The following EPS15 variants were observed in gnomAD, a reference collection of about 807,000 sequenced individuals.
The protein encoded by EPS15 is epidermal growth factor receptor substrate 15.
In EPS15, 72 loss-of-function variants were observed where a neutral mutation model predicts 113.8. The observed-to-expected ratio is 0.63, with a 90% CI of 0.52 to 0.77. The LOEUF is 0.77. Among genes scored for constraint, EPS15 ranks in the 30% least tolerant of loss-of-function variants. The pLI, the probability that EPS15 is intolerant of heterozygous loss-of-function variation, is 0.00. For synonymous variants in EPS15, 344 were observed against 363.4 expected, an observed-to-expected ratio of 0.95 and a Z score of 0.61; for missense variants, 1,048 against 1,045.8, an observed-to-expected ratio of 1.00 and a Z score of -0.03.
At chr1:51,404,065 G>C (rs1319236759) in intron 16 of EPS15, among the ~76,000 whole-genome samples, 2 of 152,208 alleles carry the variant, frequency 1.3e-5, no homozygotes, top group Non-Finnish European at 2.9e-5. Flanking sequence ...AGTAGGGGCA[G>C]GCCGGATGCA....
At chr1:51,400,229 G>A (rs1188561985) in intron 19 of EPS15, among the ~76,000 whole-genome samples, 1 of 152,114 alleles carries the variant, frequency 6.6e-6, no homozygotes, top group Admixed American at 6.5e-5. Context: ...AATTCTTCAA[G>A]ATTCTCTGCC....
rs375513557 is a variant in EPS15 at position 51,472,993 on chromosome 1, C to A, written c.76-45G>T. 105 of 1,419,282 alleles carry A rather than the reference C, an allele frequency of 7.4e-5. No homozygotes were observed. The African/African-American group carries it at 1.4e-3, about 18-fold the overall frequency. 87.9% of individuals were successfully genotyped at this position (1,419,282 alleles called of 1,614,324 possible). On this transcript the variant is annotated intron_variant, in intron 2 of 24. Coordinates refer to ENST00000371733, the MANE Select transcript of EPS15 (RefSeq NM_001981.3). The stretch of plus-strand genomic sequence containing the variant: ...TAAGTTGACAACAAAATACAAAAGG[C>A]AAAATTATCACCATTTACCTGCCTT...
At chr1:51,487,491 T>G (rs911000652) in intron 1 of EPS15, among the ~76,000 whole-genome samples, 1 of 152,200 alleles carries the variant, frequency 6.6e-6, no homozygotes, top group African/African-American at 2.4e-5. Flanking sequence ...CCCCCTTTCA[T>G]TCTCAAAAAT....
intron 21 of EPS15, among the ~76,000 whole-genome samples, chr1:51,378,991 A>G (rs1246558660): frequency 1.3e-5 from 2 of 152,246 alleles, no homozygotes; most frequent in African/African-American, 4.8e-5. Context: ...AACAAACTCC[A>G]CGTAGGATAA....
At position 51,510,134 on chromosome 1, in the gene EPS15, G is replaced by A. The variant is rs6669112; in HGVS notation, c.33+9065C>T. On this transcript the variant is annotated intron_variant, in intron 1 of 24. Coordinates refer to ENST00000371733, the MANE Select transcript of EPS15 (RefSeq NM_001981.3). ...GATTATTGAAAATAGCACATGACAC[G>A]TAAGTGTGCTCAGTAAGTATTATTG... 7.4e-3 allele frequency among the ~76,000 whole-genome samples: 1,122 copies of A among 152,238 alleles called. 8 individuals are homozygous for A. Among genetic ancestry groups the A allele is most frequent in the Middle Eastern group, 0.014 (4 of 292 alleles).
At chr1:51,465,188 A>G (rs1570364292) in intron 6 of EPS15, 73 bp downstream of exon 6, 2 of 918,496 alleles carry the variant, frequency 2.2e-6, no homozygotes, top group South Asian at 1.5e-5. Flanking sequence ...AGATAGCAAT[A>G]TATTTCAGAG....
Position 51,363,905 on chromosome 1 carries a change from T to C in EPS15, c.2320A>G (p.Lys774Glu). The C allele has an allele frequency of 6.2e-7, 1 of 1,613,326 alleles. No homozygotes were observed. Among genetic ancestry groups the C allele is most frequent in the Non-Finnish European group, 8.5e-7 (1 of 1,179,578 alleles). ...SEDEPPALPP[K>E]IGTPTRPCPL... is the part of the protein sequence containing the mutation. ...CAGGGTCTTGTTGGAGTTCCGATCT[T>C]TGGTGGCAGTGCTGGGGGTTCATCT... The change falls in exon 23 of 25, where the codon AAG becomes GAG. Residue 774 changes from lysine to glutamate, a missense_variant. Transcript: ENST00000371733.
At chr1:51,419,495 A>G (rs1445276478) in intron 13 of EPS15, among the ~76,000 whole-genome samples, 1 of 152,136 alleles carries the variant, frequency 6.6e-6, no homozygotes, top group Non-Finnish European at 1.5e-5. Context: ...ATTAATATGG[A>G]GAAAAGCAAG....
intron 21 of EPS15, among the ~76,000 whole-genome samples, chr1:51,387,966 A>G (rs201305740): frequency 4.6e-5 from 7 of 152,310 alleles, no homozygotes; most frequent in Non-Finnish European, 1.0e-4. Flanking sequence ...TGCACCAAGC[A>G]GACCTAATAG....
Position 51,377,398 on chromosome 1 carries a change from T to C in EPS15, c.2120-11369A>G, listed in dbSNP as rs1646826215. On this transcript the variant is annotated intron_variant, in intron 21 of 24. Coordinates refer to ENST00000371733, the MANE Select transcript of EPS15 (RefSeq NM_001981.3). ...TCAAGACTTCAGTGGAGGAAGTAAC[T>C]GCAGACGTGGTACAAATTAGTAAGG... 2.0e-5 allele frequency among the ~76,000 whole-genome samples: 3 copies of C among 152,228 alleles called. No homozygotes were observed. In the South Asian group the frequency reaches 6.2e-4, roughly 32 times the overall value.
intron 11 of EPS15, among the ~76,000 whole-genome samples, chr1:51,443,174 A>G (rs969477077): frequency 6.6e-6 from 1 of 152,172 alleles, no homozygotes; most frequent in African/African-American, 2.4e-5. Flanking sequence ...TAAATTAAAA[A>G]CTATACCTCA....
chr1:51,494,227 A>G (rs78987288), intron 1 of EPS15, among the ~76,000 whole-genome samples: 2 of 152,142 alleles, frequency 1.3e-5, no homozygotes, highest in African/African-American at 4.8e-5. Flanking sequence ...TCTATCTTCA[A>G]CCAAAAGTGC....
At chr1:51,362,215 G>A (rs772047690) in intron 23 of EPS15, among the ~76,000 whole-genome samples, 1 of 152,078 alleles carries the variant, frequency 6.6e-6, no homozygotes, top group Non-Finnish European at 1.5e-5. Context: ...ATATCTCAAT[G>A]GATTCTTCCA....
At chr1:51,461,613 T>C (rs1171505321) in intron 7 of EPS15, 1 of 151,914 alleles carries the variant, frequency 6.6e-6, no homozygotes, top group Non-Finnish European at 1.5e-5. Flanking sequence ...TGAAAGGAGT[T>C]TGGGCTTTAT....
intron 2 of EPS15, among the ~76,000 whole-genome samples, chr1:51,479,815 C>A (rs1267812932): frequency 6.6e-6 from 1 of 152,098 alleles, no homozygotes; most frequent in African/African-American, 2.4e-5. Context: ...TTATGTGGCA[C>A]GAACATCACA....
At chr1:51,406,568 G>C (rs1384131556) in intron 15 of EPS15, among the ~76,000 whole-genome samples, 1 of 152,180 alleles carries the variant, frequency 6.6e-6, no homozygotes, top group African/African-American at 2.4e-5. Flanking sequence ...ACGTGACTTA[G>C]AGAAAAGATT....
At chr1:51,422,242 T>A (rs1359127228) in intron 12 of EPS15, 1 of 180,446 alleles carries the variant, frequency 5.5e-6, no homozygotes. Context: ...TAGGTACCAC[T>A]GTCAAATTAA....
intron 1 of EPS15, among the ~76,000 whole-genome samples, chr1:51,489,303 A>ATATATATG (rs1360006242): frequency 1.4e-5 from 2 of 140,038 alleles, no homozygotes; most frequent in Non-Finnish European, 3.1e-5. Flanking sequence ...ATATATATAT[A>ATATATATG]TATGTATGTA....
intron 5 of EPS15, among the ~76,000 whole-genome samples, chr1:51,465,664 C>T (rs552930947): frequency 1.3e-5 from 2 of 152,144 alleles, no homozygotes; most frequent in Admixed American, 6.5e-5. Context: ...CTCCGAGTAG[C>T]TGGGATTACA....
Sources: gnomAD v4.1 joint callset for allele counts (sites outside exome capture counted in the v4.1 genomes callset) on GRCh38, gnomAD v4.1.1 for gene constraint, MANE v1.5 for transcripts, NCBI Gene and HGNC (gene_info 2026-07-23, HGNC 2026-07-21) for gene names.